DNAH1: variants seen among roughly 807,000 people sequenced by gnomAD.
The protein encoded by DNAH1 is axonemal beta dynein heavy chain 1.
DNAH1 carries 327 observed loss-of-function variants against 484.3 expected under a neutral mutation model. The ratio of observed to expected loss-of-function variants is 0.68; its 90% CI spans 0.62 to 0.74. The LOEUF (loss-of-function observed/expected upper bound fraction) is 0.74, where lower values mean the gene tolerates loss of function less well. Among genes scored for constraint, DNAH1 ranks in the 30% least tolerant of loss-of-function variants. The pLI is 0.00. For missense variants in DNAH1, 5,052 were observed against 5,546.8 expected (o/e 0.91, Z 2.83); for synonymous variants, 2,192 against 2,191.9 (o/e 1.00, Z 0.00).
chr3:52,383,706 G>A (rs1703966875), intron 51 of DNAH1, 112 bp downstream of exon 51: 1 of 1,408,566 alleles, frequency 7.1e-7, no homozygotes. Flanking sequence ...AGGAGACGCG[G>A]CCCTGGGCCT....
At position 52,322,807 on chromosome 3, in the gene DNAH1, C is replaced by T. The variant is rs768438383; in HGVS notation, c.333+32C>T. The T allele has an allele frequency of 3.2e-6, 5 of 1,553,600 alleles. 1 individual carries two copies. In the South Asian group the frequency reaches 5.9e-5, roughly 18 times the overall value. On this transcript the variant is annotated intron_variant, in intron 2 of 77. Transcript: ENST00000420323. Reference sequence around the variant, plus strand: ...ATGGCAGCCATCCCCTACCAAGCCTCAACCCTTCCTCTGGGCTCCGTTCAC... The same window carrying T: ...ATGGCAGCCATCCCCTACCAAGCCTTAACCCTTCCTCTGGGCTCCGTTCAC...
chr3:52,348,747 G>T, intron 12 of DNAH1, 141 bp from the exon 13 acceptor site: 2 of 825,196 alleles, frequency 2.4e-6, no homozygotes, highest in East Asian at 2.5e-5. Context: ...TTTTGTATTT[G>T]GTCACCCTGC....
chr3:52,317,215 A>G (rs548699625), intron 1 of DNAH1, among the ~76,000 whole-genome samples: 1 of 152,294 alleles, frequency 6.6e-6, no homozygotes, highest in African/African-American at 2.4e-5. Flanking sequence ...GCATTATCAC[A>G]TCTAAGAAAA....
intron 20 of DNAH1, among the ~76,000 whole-genome samples, 178 bp from the exon 21 acceptor site, chr3:52,354,665 T>G (rs1482379994): frequency 6.7e-6 from 1 of 148,486 alleles, no homozygotes; most frequent in South Asian, 2.1e-4. Context: ...GAATTGGCCC[T>G]GAATTCAGAT....
In DNAH1 at chr3:52,399,148, A is replaced by G. The variant is rs771422242; in HGVS notation, c.12388A>G (p.Asn4130Asp). The change falls in exon 76 of 78, where the codon AAT (asparagine) becomes GAT (aspartate). Residue 4130 changes from asparagine (N) to aspartate (D), a missense_variant. This residue lies in a region of DNAH1 where 853 missense variants were observed against 899.0 expected (regional missense o/e 0.95). Coordinates refer to ENST00000420323, the MANE Select transcript of DNAH1 (RefSeq NM_015512.5). ...PQAFLTGTLQ[N>D]FARKFVISID... is the part of the protein sequence containing the mutation. Reference sequence around the variant, plus strand: ...GGCTTTCTTAACAGGCACTCTGCAGAATTTTGCCCGCAAATTTGTCATCTC... The same window carrying G: ...GGCTTTCTTAACAGGCACTCTGCAGGATTTTGCCCGCAAATTTGTCATCTC... The G allele has an allele frequency of 6.2e-7, 1 of 1,613,810 alleles. No homozygotes were observed. Among genetic ancestry groups the G allele is most frequent in the South Asian group, 1.1e-5 (1 of 91,076 alleles).
chr3:52,391,978 A>C (rs150017336), intron 63 of DNAH1, among the ~76,000 whole-genome samples: 7 of 152,230 alleles, frequency 4.6e-5, no homozygotes, highest in African/African-American at 1.7e-4. Flanking sequence ...GGCTCTTTGA[A>C]TCCAAATGCC....
chr3:52,388,975 C>A, intron 59 of DNAH1, 38 bp downstream of exon 59: 2 of 1,547,016 alleles, frequency 1.3e-6, no homozygotes, highest in Non-Finnish European at 1.7e-6. Flanking sequence ...CCAGCCTCGC[C>A]TTCCCAAAGA....
chr3:52,331,426 T>A, intron 7 of DNAH1, 117 bp downstream of exon 7: 1 of 1,225,784 alleles, frequency 8.2e-7, no homozygotes, highest in Non-Finnish European at 1.1e-6. Context: ...ACTTTTCTGT[T>A]TGCCCAATGC....
intron 48 of DNAH1, among the ~76,000 whole-genome samples, chr3:52,380,382 C>T (rs1703792104): frequency 6.6e-6 from 1 of 152,022 alleles, no homozygotes; most frequent in South Asian, 2.1e-4. Flanking sequence ...GACACAGGGG[C>T]AATCATCCCT....
In DNAH1 at chr3:52,353,764, G is replaced by A; in HGVS notation, c.3480+131G>A. 1 of 1,261,708 alleles carries A rather than the reference G, an allele frequency of 7.9e-7. No homozygotes were observed. Among genetic ancestry groups the A allele is most frequent in the Non-Finnish European group, 1.1e-6 (1 of 918,794 alleles). The allele number at this position is 1,261,708 out of a possible 1,614,324, so 78.2% of individuals were successfully genotyped here. Reference sequence around the variant, plus strand: ...CCCATCCCTGGGGTCATGAGGCCCAGGGGTTGAGATGCATTCTATTAAGTG... The same window carrying A: ...CCCATCCCTGGGGTCATGAGGCCCAAGGGTTGAGATGCATTCTATTAAGTG... On this transcript the variant is annotated intron_variant, in intron 20 of 77. Coordinates refer to ENST00000420323, the MANE Select transcript of DNAH1 (RefSeq NM_015512.5). The surrounding 1 kb of genome is among the most constrained non-coding windows in gnomAD (Gnocchi z 5.0).
In DNAH1 at chr3:52,395,236, C is replaced by A; in HGVS notation, c.10969-72C>A. The A allele has an allele frequency of 6.5e-7, 1 of 1,545,710 alleles. No individual in the cohort carries two copies. The highest frequency in any genetic ancestry group is 8.8e-7 in the Non-Finnish European group (1 of 1,141,324). On this transcript the variant is annotated intron_variant, in intron 68 of 77. Coordinates refer to ENST00000420323, the MANE Select transcript of DNAH1 (RefSeq NM_015512.5). The surrounding 1 kb of genome is among the most constrained non-coding windows in gnomAD (Gnocchi z 4.4). ...CCCACTGGGGACCACTCTGAGAACC[C>A]CAGATCCCCCTCCCTTGCCCCGATC...
chr3:52,356,205 T>A (rs1272586107), intron 21 of DNAH1, among the ~76,000 whole-genome samples: 1 of 152,208 alleles, frequency 6.6e-6, no homozygotes, highest in Non-Finnish European at 1.5e-5. Context: ...ACTCTCACAC[T>A]CAAGACCCAT....
intron 16 of DNAH1, among the ~76,000 whole-genome samples, chr3:52,350,830 G>A (rs1157305958): frequency 2.6e-5 from 4 of 152,220 alleles, no homozygotes; most frequent in Non-Finnish European, 4.4e-5. Flanking sequence ...TCTCTGTCCT[G>A]TCAATGGCCT....
At chr3:52,345,867 C>G (rs1559508016) in intron 10 of DNAH1, among the ~76,000 whole-genome samples, 161 bp downstream of exon 10, 1 of 152,202 alleles carries the variant, frequency 6.6e-6, no homozygotes, top group Non-Finnish European at 1.5e-5. Flanking sequence ...CTTCCTAGAC[C>G]TTATTGGAGG....
At chr3:52,365,051 G>T in intron 34 of DNAH1, 32 bp downstream of exon 34, 3 of 1,583,262 alleles carry the variant, frequency 1.9e-6, no homozygotes, top group Non-Finnish European at 2.6e-6. Flanking sequence ...TTCGTGGAGG[G>T]GCTGGCCATG....
rs968872918 is a variant in DNAH1, at chr3:52,384,096, G to T, written c.8322+65G>T. 6 of 1,442,410 alleles carry T rather than the reference G, an allele frequency of 4.2e-6. No homozygotes were observed. In the Admixed American group the frequency reaches 1.3e-4, roughly 31 times the overall value. 89.4% of individuals were successfully genotyped at this position (1,442,410 alleles called of 1,614,324 possible). A position where few individuals can be genotyped will look rare whatever the true frequency, so the allele number is the denominator to read the frequency against. ...GTTTAGCTTGGGGCATGGGCTCAGGGTCACCAAGGTCTGGGTGAGATTCCC... is the reference window on the plus strand; with the variant it reads ...GTTTAGCTTGGGGCATGGGCTCAGGTTCACCAAGGTCTGGGTGAGATTCCC... On this transcript the variant is annotated intron_variant, in intron 52 of 77. Coordinates refer to ENST00000420323, the MANE Select transcript of DNAH1 (RefSeq NM_015512.5).
chr3:52,383,804 C>G, intron 51 of DNAH1, 56 bp from the exon 52 acceptor site: 14 of 1,523,326 alleles, frequency 9.2e-6, no homozygotes, highest in Non-Finnish European at 1.2e-5. Context: ...GGGTCCTGGG[C>G]TCCTGGGGTC....
chr3:52,396,550 T>C lies in DNAH1; in HGVS notation c.11430+12T>C. Reference sequence around the variant, plus strand: ...ACTCCTGCCACAAGGTGAGGCACACTTGGTGCAGGCCTACCCTACCTGCCC... The same window carrying C: ...ACTCCTGCCACAAGGTGAGGCACACCTGGTGCAGGCCTACCCTACCTGCCC... On this transcript the variant is annotated intron_variant, in intron 71 of 77. Transcript: ENST00000420323. 1.2e-6 allele frequency: 2 copies of C among 1,612,884 alleles called. No homozygotes were observed. The highest frequency in any genetic ancestry group is 1.7e-6 in the Non-Finnish European group (2 of 1,179,400).
At chr3:52,323,350 GAGGAGAGAATTCAGAGTCCTGTAGGTCCC>G (rs1212667225) in intron 2 of DNAH1, among the ~76,000 whole-genome samples, 1 of 152,160 alleles carries the variant, frequency 6.6e-6, no homozygotes, top group African/African-American at 2.4e-5. Context: ...GGGGAATGAC[GAGGAGAGAATTCAGAGTCCTGTAGGTCCC>G]AGGCAGCCTT....
Sources: gnomAD v4.1 joint callset for allele counts (sites outside exome capture counted in the v4.1 genomes callset) on GRCh38, gnomAD v4.1.1 for gene constraint, gnomAD v4.1.1 regional missense constraint, Gnocchi (gnomAD v3.1) non-coding constraint, MANE v1.5 for transcripts, NCBI Gene and HGNC (gene_info 2026-07-23, HGNC 2026-07-21) for gene names.